The following SMAP1 variants were observed in gnomAD, a reference collection of about 807,000 sequenced individuals.
SMAP1 encodes stromal membrane-associated protein 1.
SMAP1 carries 24 observed loss-of-function variants against 58.5 expected under a neutral mutation model. The ratio of observed to expected loss-of-function variants is 0.41; its 90% CI spans 0.30 to 0.58. The LOEUF (loss-of-function observed/expected upper bound fraction) is 0.58, where lower values mean the gene tolerates loss of function less well. Ranked by LOEUF, SMAP1 falls within the 20% of genes least tolerant of loss-of-function variation. SMAP1 has a pLI of 0.29. For missense variants in SMAP1, 563 were observed against 566.3 expected (o/e 0.99, Z 0.06); for synonymous variants, 216 against 196.6 (o/e 1.10, Z -0.82).
chr6:70,810,869 C>G (rs533834568), intron 6 of SMAP1, among the ~76,000 whole-genome samples: 1 of 152,248 alleles, frequency 6.6e-6, no homozygotes, highest in Non-Finnish European at 1.5e-5. Context: ...ATATACTGTG[C>G]CTTTCTGTCT....
chr6:70,680,102 T>TCGACAA (rs1554188492), intron 1 of SMAP1, among the ~76,000 whole-genome samples: 2 of 150,352 alleles, frequency 1.3e-5, no homozygotes, highest in African/African-American at 4.9e-5. Context: ...GATAGTCTTT[T>TCGACAA]CAACAACAAC....
intron 1 of SMAP1, among the ~76,000 whole-genome samples, chr6:70,708,901 C>G (rs1421750953): frequency 1.3e-5 from 2 of 152,138 alleles, no homozygotes; most frequent in African/African-American, 4.8e-5. Flanking sequence ...TATTTTGCCC[C>G]AATCTGTAGG....
intron 6 of SMAP1, among the ~76,000 whole-genome samples, chr6:70,829,613 G>A (rs1770278906): frequency 6.6e-6 from 1 of 152,230 alleles, no homozygotes; most frequent in Non-Finnish European, 1.5e-5. Flanking sequence ...GACAAATCAT[G>A]TCATTTAATT....
intron 1 of SMAP1, among the ~76,000 whole-genome samples, chr6:70,729,587 T>G (rs1457452919): frequency 6.6e-6 from 1 of 151,186 alleles, no homozygotes; most frequent in Non-Finnish European, 1.5e-5. Context: ...ATTTAAAGCA[T>G]TCAATGGATC....
chr6:70,859,662 C>A (rs1478929891), intron 10 of SMAP1: 1 of 258,848 alleles, frequency 3.9e-6, no homozygotes, highest in Admixed American at 5.1e-5. Context: ...TATTTGACTC[C>A]AGTCTTGAAG....
chr6:70,737,772 C>T (rs1403542384), intron 2 of SMAP1, among the ~76,000 whole-genome samples: 1 of 152,068 alleles, frequency 6.6e-6, no homozygotes, highest in African/African-American at 2.4e-5. Context: ...TTATCCTTAG[C>T]GATGAATGGG....
rs557392917 is a variant in SMAP1 at position 70,768,802 on chromosome 6, G to C, written c.339-4548G>C. Among the ~76,000 whole-genome samples the C allele has an allele frequency of 3.0e-3, 457 of 152,260 alleles. 3 individuals carry two copies. The highest frequency in any genetic ancestry group is 0.01 in the African/African-American group (426 of 41,548). Reference sequence around the variant, plus strand: ...TCTTGCCCTCTGCTAGCTTTTGAATGTGTTTGCTCTTGCTTTTCTAGTTCT... The same window carrying C: ...TCTTGCCCTCTGCTAGCTTTTGAATCTGTTTGCTCTTGCTTTTCTAGTTCT... On this transcript the variant is annotated intron_variant, in intron 3 of 10. Coordinates refer to ENST00000370455, the MANE Select transcript of SMAP1 (RefSeq NM_001044305.3).
At chr6:70,721,351 A>G (rs1167002148) in intron 1 of SMAP1, among the ~76,000 whole-genome samples, 1 of 152,204 alleles carries the variant, frequency 6.6e-6, no homozygotes, top group Non-Finnish European at 1.5e-5. Context: ...TCTCTATGCT[A>G]AAACATAACA....
intron 1 of SMAP1, among the ~76,000 whole-genome samples, chr6:70,727,400 C>T (rs899339402): frequency 6.6e-6 from 1 of 152,100 alleles, no homozygotes; most frequent in African/African-American, 2.4e-5. Flanking sequence ...TGAGCCACTG[C>T]GCCCAACCCA....
chr6:70,837,807 A>G, intron 7 of SMAP1: 1 of 1,256,174 alleles, frequency 8.0e-7, no homozygotes, highest in Non-Finnish European at 1.0e-6. Flanking sequence ...GAAGGAAAAG[A>G]GTGAAAGGCA....
intron 10 of SMAP1, chr6:70,859,761 C>T (rs969341788): frequency 5.1e-5 from 9 of 177,810 alleles, no homozygotes; most frequent in African/African-American, 1.2e-4. Flanking sequence ...GAAATAAATG[C>T]TTTATGACCA....
chr6:70,826,957 A>G (rs865878695), intron 6 of SMAP1, among the ~76,000 whole-genome samples: 15 of 148,090 alleles, frequency 1.0e-4, no homozygotes, highest in African/African-American at 2.0e-4. Flanking sequence ...AAAAAAAAAA[A>G]AAAGAAAAAG....
chr6:70,748,172 G>C (rs1393242264), intron 2 of SMAP1, among the ~76,000 whole-genome samples: 1 of 152,106 alleles, frequency 6.6e-6, no homozygotes, highest in Non-Finnish European at 1.5e-5. Context: ...GGAAGATAGA[G>C]AAATTTCTCG....
At position 70,731,601 on chromosome 6, in the gene SMAP1, A is replaced by C. The variant is rs140298178; in HGVS notation, c.119-777A>C. Among the ~76,000 whole-genome samples the C allele has an allele frequency of 9.2e-5, 14 of 152,344 alleles. No homozygotes were observed. The East Asian group carries it at 2.7e-3, about 29-fold the overall frequency. The stretch of plus-strand genomic sequence containing the variant: ...TCAGTTTCACGAAATTTGTAGATAC[A>C]TTTAATTAATATGCAGTATGCTATT... On this transcript the variant is annotated intron_variant, in intron 1 of 10. Transcript: ENST00000370455.
At position 70,668,597 on chromosome 6, in the gene SMAP1, C is replaced by G. The variant is rs774027000; in HGVS notation, c.118+456C>G. 5.2e-5 allele frequency: 80 copies of G among 1,535,852 alleles called. 4 individuals are homozygous for G. The South Asian group carries it at 9.0e-4, about 17-fold the overall frequency. On this transcript the variant is annotated intron_variant, in intron 1 of 10. Coordinates refer to ENST00000370455, the MANE Select transcript of SMAP1 (RefSeq NM_001044305.3). ...CTACCCTCCGGTGTGACCACGTCCT[C>G]CCACTCCGGGCTCGGATTCTTGGTC...
chr6:70,771,242 C>T (rs538361751), intron 3 of SMAP1, among the ~76,000 whole-genome samples: 2 of 152,234 alleles, frequency 1.3e-5, no homozygotes, highest in East Asian at 1.9e-4. Context: ...ATTCTCAGAT[C>T]TCCAGCTGTG....
intron 6 of SMAP1, among the ~76,000 whole-genome samples, chr6:70,830,573 ATGTT>A (rs1265153591): frequency 1.3e-5 from 2 of 152,196 alleles, no homozygotes; most frequent in Non-Finnish European, 2.9e-5. Flanking sequence ...TTATGTATTC[ATGTT>A]TGTTGTTTAA....
intron 1 of SMAP1, among the ~76,000 whole-genome samples, chr6:70,684,266 T>C (rs1766843770): frequency 6.6e-6 from 1 of 152,228 alleles, no homozygotes; most frequent in African/African-American, 2.4e-5. Context: ...TAAGAGGTAT[T>C]TGTAAATATT....
chr6:70,722,385 T>C (rs572824178), intron 1 of SMAP1, among the ~76,000 whole-genome samples: 2 of 152,378 alleles, frequency 1.3e-5, no homozygotes, highest in Non-Finnish European at 1.5e-5. Flanking sequence ...ATTCTAGCAT[T>C]GTTTTCCTCA....
Sources: allele counts gnomAD v4.1 joint callset (sites outside exome capture counted in the v4.1 genomes callset), GRCh38; gene constraint gnomAD v4.1.1; transcripts MANE v1.5; gene names NCBI Gene and HGNC (gene_info 2026-07-23, HGNC 2026-07-21).